HECW1: variants seen among roughly 807,000 people sequenced by gnomAD.
The protein encoded by HECW1 is E3 ubiquitin-protein ligase HECW1.
Under a neutral mutation model 182.3 loss-of-function variants are expected in HECW1, and 61 were observed. The ratio of observed to expected loss-of-function variants is 0.33; its 90% CI spans 0.27 to 0.41. The LOEUF (loss-of-function observed/expected upper bound fraction) is 0.41, where lower values mean the gene tolerates loss of function less well. Ranked by LOEUF, HECW1 falls within the 10% of genes least tolerant of loss-of-function variation. The pLI is 1.00. For missense variants in HECW1, 1,739 were observed against 2,108.9 expected, an observed-to-expected ratio of 0.82 and a Z score of 3.44; for synonymous variants, 859 against 832.6, an observed-to-expected ratio of 1.03 and a Z score of -0.55.
chr7:43,207,917 T>C (rs1414914476), intron 2 of HECW1: 1 of 152,244 alleles, frequency 6.6e-6, no homozygotes, highest in African/African-American at 2.4e-5. Flanking sequence ...AAAGTAGTTG[T>C]CTTTTTATGG....
At chr7:43,267,909 C>T (rs924683437) in intron 3 of HECW1, among the ~76,000 whole-genome samples, 3 of 151,948 alleles carry the variant, frequency 2.0e-5, no homozygotes, top group African/African-American at 7.3e-5. Context: ...ATAAAACTTG[C>T]CAGATAATTT....
In HECW1 at chr7:43,262,266, A is replaced by G. The variant is rs1049705866; in HGVS notation, c.27+18334A>G. ...TGTGTGCGTGTGTGTGTGTGTGTGTATAACCTAAAGAAATCAATAAATATT... is the reference window on the plus strand; with the variant it reads ...TGTGTGCGTGTGTGTGTGTGTGTGTGTAACCTAAAGAAATCAATAAATATT... On this transcript the variant is annotated intron_variant, in intron 3 of 29. Coordinates refer to ENST00000395891, the MANE Select transcript of HECW1 (RefSeq NM_015052.5). Among the ~76,000 whole-genome samples, 10 of 102,518 alleles carry G rather than the reference A, an allele frequency of 9.8e-5. No individual in the cohort carries two copies. In the East Asian group the frequency reaches 2.2e-3, roughly 22 times the overall value. The allele number at this position is 102,518 out of a possible 152,430, so 67.3% of individuals were successfully genotyped here.
At chr7:43,549,076 C>A (rs73693022) in intron 26 of HECW1, among the ~76,000 whole-genome samples, 2,040 of 152,326 alleles carry the variant, frequency 0.013, 58 homozygotes, top group African/African-American at 0.047. Flanking sequence ...CCAACCATCA[C>A]AACTGTGTTC....
intron 3 of HECW1, among the ~76,000 whole-genome samples, chr7:43,266,784 A>T (rs1255631645): frequency 2.0e-5 from 3 of 152,224 alleles, no homozygotes; most frequent in Non-Finnish European, 2.9e-5. Flanking sequence ...ACTGGACCAA[A>T]CTACAAAATT....
chr7:43,318,959 A>C (rs1363439323), intron 4 of HECW1, among the ~76,000 whole-genome samples: 3 of 152,236 alleles, frequency 2.0e-5, no homozygotes, highest in African/African-American at 4.8e-5. Flanking sequence ...ATAGAAGATC[A>C]AGGTGAAAGC....
intron 2 of HECW1, among the ~76,000 whole-genome samples, chr7:43,129,409 A>G (rs1255002098): frequency 1.3e-5 from 2 of 152,310 alleles, no homozygotes; most frequent in African/African-American, 4.8e-5. Context: ...ATTTCTTAGC[A>G]TATTTTTGAA....
intron 8 of HECW1, among the ~76,000 whole-genome samples, chr7:43,420,592 C>A (rs1020775660): frequency 6.6e-6 from 1 of 152,150 alleles, no homozygotes; most frequent in Non-Finnish European, 1.5e-5. Context: ...ATTACCCAAA[C>A]TACCCAAATT....
At chr7:43,300,755 A>G (rs1477476117) in intron 3 of HECW1, among the ~76,000 whole-genome samples, 1 of 152,128 alleles carries the variant, frequency 6.6e-6, no homozygotes, top group Non-Finnish European at 1.5e-5. Flanking sequence ...TATGGTTCAT[A>G]ATCCCAATGA....
chr7:43,355,946 G>A (rs372294447), intron 5 of HECW1, among the ~76,000 whole-genome samples: 198 of 152,108 alleles, frequency 1.3e-3, no homozygotes, highest in African/African-American at 4.5e-3. Flanking sequence ...CCAAGATTGC[G>A]CCACTGCATT....
At chr7:43,452,273 C>G (rs1562996990) in intron 12 of HECW1, among the ~76,000 whole-genome samples, 1 of 152,198 alleles carries the variant, frequency 6.6e-6, no homozygotes, top group Admixed American at 6.5e-5. Flanking sequence ...TTCCCCACAA[C>G]AAATAACCTT....
intron 2 of HECW1, among the ~76,000 whole-genome samples, chr7:43,234,642 C>G (rs1798156964): frequency 6.6e-6 from 1 of 152,266 alleles, no homozygotes; most frequent in Non-Finnish European, 1.5e-5. Flanking sequence ...CATCTCCTAC[C>G]CACGTCTTAA....
chr7:43,562,991 A>AT lies in HECW1; in HGVS notation c.*1066dup, dbSNP rs1335584803. On this transcript the variant is annotated 3_prime_UTR_variant, in exon 30 of 30. Transcript: ENST00000395891. ...GACAAACCCTTTTTTTAAAACTTTG[A>AT]TATTTTTTTTTCACATTTTTTTTTC... is the stretch of plus-strand genomic sequence containing the variant. 1.0e-5 allele frequency: 2 copies of AT among 200,884 alleles called. No individual in the cohort carries two copies. Among genetic ancestry groups the AT allele is most frequent in the Non-Finnish European group, 2.1e-5 (2 of 97,148 alleles). The allele number at this position is 200,884 out of a possible 1,614,324, so 12.4% of individuals were successfully genotyped here.
chr7:43,542,991 A>T (rs1416856942), intron 26 of HECW1, among the ~76,000 whole-genome samples: 1 of 152,214 alleles, frequency 6.6e-6, no homozygotes, highest in African/African-American at 2.4e-5. Context: ...TTTTTATCAC[A>T]TCCAGATAGC....
At chr7:43,480,643 ATG>A (rs111776916) in intron 17 of HECW1, among the ~76,000 whole-genome samples, 4,660 of 146,630 alleles carry the variant, frequency 0.032, 111 homozygotes, top group East Asian at 0.049. Flanking sequence ...GTGTGTACAT[ATG>A]TGTGTGTGTG....
At chr7:43,237,144 G>GGTAA (rs1798441898) in intron 2 of HECW1, among the ~76,000 whole-genome samples, 1 of 49,660 alleles carries the variant, frequency 2.0e-5, no homozygotes, top group South Asian at 6.1e-4. Context: ...GAAGGAAGTA[G>GGTAA]GTAGGTAGGT....
intron 26 of HECW1, among the ~76,000 whole-genome samples, chr7:43,550,182 G>A (rs2081749229): frequency 6.6e-6 from 1 of 152,176 alleles, no homozygotes; most frequent in South Asian, 2.1e-4. Flanking sequence ...CAGCTACTCA[G>A]GAGGCTGAGG....
intron 3 of HECW1, among the ~76,000 whole-genome samples, chr7:43,293,699 G>T (rs1007266334): frequency 6.6e-6 from 1 of 152,124 alleles, no homozygotes; most frequent in Non-Finnish European, 1.5e-5. Flanking sequence ...CTAGTGTGGT[G>T]GTAGGATTTT....
chr7:43,466,280 A>C (rs1262540710), intron 14 of HECW1, among the ~76,000 whole-genome samples, 167 bp from the exon 15 acceptor site: 1 of 152,216 alleles, frequency 6.6e-6, no homozygotes, highest in African/African-American at 2.4e-5. Flanking sequence ...ACTACTAAGG[A>C]AATGATGATT....
chr7:43,492,381 C>T (rs2078965376), intron 18 of HECW1, among the ~76,000 whole-genome samples: 1 of 152,294 alleles, frequency 6.6e-6, no homozygotes, highest in African/African-American at 2.4e-5. Context: ...TCCCTTCCTC[C>T]TCACCTATCT....
Sources: gnomAD v4.1 joint callset for allele counts (sites outside exome capture counted in the v4.1 genomes callset) on GRCh38, gnomAD v4.1.1 for gene constraint, MANE v1.5 for transcripts, NCBI Gene and HGNC (gene_info 2026-07-23, HGNC 2026-07-21) for gene names.